Variants in CCT3 observed in about 807,000 individuals in gnomAD.
CCT3 encodes the protein chaperonin containing TCP1 subunit 3.
Under a neutral mutation model 65.3 loss-of-function variants are expected in CCT3, and 10 were observed. The ratio of observed to expected loss-of-function variants is 0.15; its 90% confidence interval spans 0.09 to 0.26. The LOEUF (loss-of-function observed/expected upper bound fraction) is 0.26, where lower values mean the gene tolerates loss of function less well. Among genes scored for constraint, CCT3 ranks in the 10% least tolerant of loss-of-function variants. The pLI is 1.00. For missense variants in CCT3, 626 were observed against 708.7 expected (o/e 0.88, Z 1.33); for synonymous variants, 225 against 242.3 (o/e 0.93, Z 0.66).
chr1:156,324,112 G>C (rs1371559413), intron 6 of CCT3, among the ~76,000 whole-genome samples: 1 of 151,542 alleles, frequency 6.6e-6, no homozygotes, highest in Admixed American at 6.6e-5. Context: ...CTGTCACCCA[G>C]GCTGGAGTGC....
rs1664060915 is a variant in CCT3 at position 156,310,939 on chromosome 1, G to T, written c.1401+11C>A. 6.2e-7 allele frequency: 1 copy of T among 1,611,438 alleles called. No individual in the cohort carries two copies. Among genetic ancestry groups the T allele is most frequent in the South Asian group, 1.1e-5 (1 of 90,904 alleles). On this transcript the variant is annotated intron_variant, in intron 12 of 13. Transcript: ENST00000295688. The stretch of plus-strand genomic sequence containing the variant: ...TGCTCCATCAAGAGAAAAGCTTGGA[G>T]AGGAACTCACCCGAAGGGAGGTAAG...
At chr1:156,324,233 A>G (rs982674242) in intron 6 of CCT3, among the ~76,000 whole-genome samples, 2 of 145,924 alleles carry the variant, frequency 1.4e-5, no homozygotes, top group Admixed American at 1.4e-4. Context: ...ATGCCCAGCT[A>G]ATTTTCTGTA....
chr1:156,336,995 A>G (rs933312062), intron 1 of CCT3: 9 of 895,000 alleles, frequency 1.0e-5, no homozygotes, highest in African/African-American at 3.6e-5. Flanking sequence ...GGCAGTCAGT[A>G]TACAGAAGAC....
Position 156,311,119 on chromosome 1 carries a change from C to A in CCT3, c.1232G>T (p.Gly411Val). The change falls in exon 12 of 14, where the codon GGT (glycine) becomes GTT (valine). Residue 411 changes from glycine (G) to valine (V), a missense_variant. Physicochemically the swap from Gly to Val is moderately radical, Grantham distance 109 (BLOSUM62 -3). Coordinates refer to ENST00000295688, the MANE Select transcript of CCT3 (RefSeq NM_005998.5). ...VLLDPQLVPG[G>V]GASEMAVAHA... The stretch of plus-strand genomic sequence containing the variant: ...GGCCACAGCCATCTCGGAGGCCCCA[C>A]CCCCTGGCACCAGCTGAGGGTCCAG... 1 of 1,614,072 alleles carries A rather than the reference C, an allele frequency of 6.2e-7. No individual in the cohort carries two copies.
intron 5 of CCT3, among the ~76,000 whole-genome samples, chr1:156,328,970 A>G (rs1664984974): frequency 2.0e-5 from 3 of 152,248 alleles, no homozygotes; most frequent in African/African-American, 7.2e-5. Flanking sequence ...TTGAAAGAAA[A>G]ATAATCAAAA....
intron 5 of CCT3, among the ~76,000 whole-genome samples, chr1:156,325,663 C>G (rs1409045730): frequency 2.0e-5 from 3 of 151,456 alleles, no homozygotes; most frequent in Admixed American, 6.6e-5. Context: ...CTGCAACCTC[C>G]GCCTCCCAGA....
chr1:156,328,871 A>T lies in CCT3; in HGVS notation c.305-3782T>A, dbSNP rs564803098. On this transcript the variant is annotated intron_variant, in intron 5 of 13. Transcript: ENST00000295688. ...TGATCAATAAAAATAAAAATAAAAAAAAAAAATGTACATGTTATTCATTAG... is the reference window on the plus strand; with the variant it reads ...TGATCAATAAAAATAAAAATAAAAATAAAAAATGTACATGTTATTCATTAG... Among the ~76,000 whole-genome samples the T allele has an allele frequency of 2.4e-3, 345 of 142,722 alleles. 2 individuals are homozygous for T. Among genetic ancestry groups the T allele is most frequent in the South Asian group, 0.013 (58 of 4,480 alleles). The allele number at this position is 142,722 out of a possible 152,430, so 93.6% of individuals were successfully genotyped here.
At chr1:156,326,109 G>C (rs1305772043) in intron 5 of CCT3, among the ~76,000 whole-genome samples, 2 of 151,962 alleles carry the variant, frequency 1.3e-5, no homozygotes, top group African/African-American at 4.8e-5. Context: ...AGGGTGAGCA[G>C]ATCACCTGAG....
chr1:156,309,495 C>T (rs943064509), intron 13 of CCT3, among the ~76,000 whole-genome samples, 192 bp from the exon 14 acceptor site: 4 of 151,892 alleles, frequency 2.6e-5, no homozygotes, highest in Non-Finnish European at 4.4e-5. Context: ...AGCATGATGT[C>T]GGTTCACTGC....
At chr1:156,336,295 G>A (rs1237636654) in intron 1 of CCT3, among the ~76,000 whole-genome samples, 12 of 138,438 alleles carry the variant, frequency 8.7e-5, no homozygotes, top group East Asian at 2.1e-4. Flanking sequence ...TTTTTTTTCC[G>A]GAAAGAGGAT....
At chr1:156,323,453 A>G (rs1166850435) in intron 6 of CCT3, among the ~76,000 whole-genome samples, 2 of 152,082 alleles carry the variant, frequency 1.3e-5, no homozygotes, top group African/African-American at 4.8e-5. Context: ...TGGAAAAAAT[A>G]TACATTTTTA....
At chr1:156,332,935 G>A (rs1225271521) in intron 5 of CCT3, 1 of 154,764 alleles carries the variant, frequency 6.5e-6, no homozygotes, top group African/African-American at 2.4e-5. Flanking sequence ...AGTGTGACCA[G>A]AGGCTTATAG....
intron 4 of CCT3, 91 bp downstream of exon 4, chr1:156,334,622 A>G (rs1194279874): frequency 8.0e-7 from 1 of 1,243,720 alleles, no homozygotes; most frequent in African/African-American, 1.5e-5. Flanking sequence ...TAGCAGCCCT[A>G]AAAAACTAAT....
intron 5 of CCT3, among the ~76,000 whole-genome samples, chr1:156,327,834 G>C (rs1332538669): frequency 6.6e-6 from 1 of 150,738 alleles, no homozygotes; most frequent in African/African-American, 2.4e-5. Flanking sequence ...ATCCCATCTA[G>C]GAAGTGAGGA....
chr1:156,321,809 G>A (rs12138564), intron 6 of CCT3, among the ~76,000 whole-genome samples: 6 of 151,926 alleles, frequency 3.9e-5, no homozygotes, highest in Non-Finnish European at 7.4e-5. Context: ...GTCACTGCAC[G>A]ACAGCCTGGG....
At chr1:156,333,900 T>C (rs1454831555) in intron 4 of CCT3, among the ~76,000 whole-genome samples, 1 of 152,246 alleles carries the variant, frequency 6.6e-6, no homozygotes, top group Non-Finnish European at 1.5e-5. Context: ...TTTAGCTTAT[T>C]TACTGGAAGC....
intron 6 of CCT3, among the ~76,000 whole-genome samples, chr1:156,324,089 A>C (rs1366673682): frequency 1.4e-5 from 2 of 145,398 alleles, no homozygotes; most frequent in Admixed American, 1.4e-4. Context: ...TTTTTTTGAG[A>C]CAGAGTCTCA....
At chr1:156,319,108 G>A in intron 7 of CCT3, 91 bp from the exon 8 acceptor site, 2 of 1,000,190 alleles carry the variant, frequency 2.0e-6, no homozygotes, top group Non-Finnish European at 2.8e-6. Context: ...AACAGCTAGT[G>A]TTTCAGGTTT....
chr1:156,309,190 G>C lies in CCT3; in HGVS notation c.*9C>G. 1 of 1,575,032 alleles carries C rather than the reference G, an allele frequency of 6.3e-7. No homozygotes were observed. The stretch of plus-strand genomic sequence containing the variant: ...TGGTTCTGTGCATTGAAGTAGCCTT[G>C]CCTAGCACTCACTCCTGGCCAGCAT... On this transcript the variant is annotated 3_prime_UTR_variant, in exon 14 of 14. Coordinates refer to ENST00000295688, the MANE Select transcript of CCT3 (RefSeq NM_005998.5).
Sources: gnomAD v4.1 joint callset for allele counts (sites outside exome capture counted in the v4.1 genomes callset) on GRCh38, gnomAD v4.1.1 for gene constraint, MANE v1.5 for transcripts, NCBI Gene and HGNC (gene_info 2026-07-23, HGNC 2026-07-21) for gene names.